Variants in SIPA1L1 observed in about 807,000 individuals in gnomAD.
SIPA1L1 encodes signal induced proliferation associated 1 like 1.
In SIPA1L1, 26 loss-of-function variants were observed where a neutral mutation model predicts 162.7. The ratio of observed to expected loss-of-function variants is 0.16; its 90% CI spans 0.12 to 0.22. SIPA1L1 has a LOEUF of 0.22. Among genes scored for constraint, SIPA1L1 ranks in the 10% least tolerant of loss-of-function variants. The probability of loss-of-function intolerance (pLI) is 1.00; values close to 1 mark genes in which losing one functional copy is unlikely to be tolerated. For synonymous variants in SIPA1L1, 829 were observed against 837.4 expected (o/e 0.99, Z 0.17); for missense variants, 1,874 against 2,241.0 (o/e 0.84, Z 3.31).
intron 4 of SIPA1L1, chr14:71,573,512 C>G (rs1255846516): frequency 8.8e-6 from 4 of 454,534 alleles, no homozygotes; most frequent in Non-Finnish European, 1.8e-5. Context: ...TTTGGGACCT[C>G]AAGAGAAAGA....
intron 2 of SIPA1L1, among the ~76,000 whole-genome samples, chr14:71,397,889 G>T (rs1034312580): frequency 2.0e-5 from 3 of 151,720 alleles, no homozygotes; most frequent in Admixed American, 2.0e-4. Flanking sequence ...CATCTTAGGT[G>T]GCAGAGTTTG....
rs1186656891 is a variant in SIPA1L1 at position 71,624,200 on chromosome 14, G to A, written c.1782G>A (p.Lys594=). The A allele has an allele frequency of 1.9e-6, 3 of 1,614,010 alleles. No homozygotes were observed. The highest frequency in any genetic ancestry group is 2.5e-6 in the Non-Finnish European group (3 of 1,179,882). Residue 594 remains lysine (K), a synonymous_variant, in exon 7 of 24, where the codon AAG becomes AAA. Transcript: ENST00000381232. ...TGCGGTTGGCCTTCAACACACCCAA[G>A]GTCACAGAGCAGCTCATGAAACTGG... The part of the protein sequence containing the change: ...QCLRLAFNTP[K]VTEQLMKLDE...
In SIPA1L1 at chr14:71,680,904, C is replaced by CA. The variant is rs111435750; in HGVS notation, c.3105-4455dup. Among the ~76,000 whole-genome samples the CA allele has an allele frequency of 1.2e-3, 186 of 152,308 alleles. 4 individuals carry two copies. Among genetic ancestry groups the CA allele is most frequent in the African/African-American group, 4.1e-3 (171 of 41,566 alleles). ...TCTTTGGAAATGCAGCATCTGGACA[C>CA]AAAGGCAGGAGTGCCTGTCCTCATC... On this transcript the variant is annotated intron_variant, in intron 12 of 23. Transcript: ENST00000381232.
intron 2 of SIPA1L1, among the ~76,000 whole-genome samples, chr14:71,398,990 A>T (rs1490023527): frequency 6.6e-6 from 1 of 152,244 alleles, no homozygotes; most frequent in African/African-American, 2.4e-5. Context: ...ATTGCACTTT[A>T]ATTAAAATCT....
intron 23 of SIPA1L1, among the ~76,000 whole-genome samples, 183 bp downstream of exon 23, chr14:71,738,508 C>T (rs986133588): frequency 5.3e-5 from 8 of 152,182 alleles, no homozygotes; most frequent in African/African-American, 1.7e-4. Flanking sequence ...GTTCGGTGTC[C>T]GGTGTACAGA....
At chr14:71,623,945 T>C (rs2039709602) in intron 6 of SIPA1L1, 103 bp from the exon 7 acceptor site, 2 of 910,778 alleles carry the variant, frequency 2.2e-6, no homozygotes, top group Non-Finnish European at 3.3e-6. Context: ...AATCATTCCC[T>C]AGCTCTGTGA....
chr14:71,710,294 GATAAA>G (rs1566711109), intron 17 of SIPA1L1, among the ~76,000 whole-genome samples: 2 of 152,202 alleles, frequency 1.3e-5, no homozygotes, highest in Admixed American at 6.5e-5. Context: ...CACACCTCTA[GATAAA>G]ATAAATACTA....
rs1016697148 is a variant in SIPA1L1, at chr14:71,480,483, C to G, written c.-464-32260C>G. Among the ~76,000 whole-genome samples, 66 of 151,136 alleles carry G rather than the reference C, an allele frequency of 4.4e-4. 1 individual carries two copies. The highest frequency in any genetic ancestry group is 4.2e-3 in the Admixed American group (64 of 15,186). ...AAAAAAAAAAAAAGAAGAAGTCAGC[C>G]GTGCACAGTGGCTCACGCCTGTAAT... On this transcript the variant is annotated intron_variant, in intron 2 of 23. Coordinates refer to ENST00000381232, the MANE Select transcript of SIPA1L1 (RefSeq NM_001386936.1).
intron 2 of SIPA1L1, among the ~76,000 whole-genome samples, chr14:71,403,804 G>T (rs969796511): frequency 2.6e-5 from 4 of 152,038 alleles, no homozygotes; most frequent in African/African-American, 7.2e-5. Flanking sequence ...TGTGCAGCTT[G>T]TCTGAGTTGA....
chr14:71,402,635 CA>C (rs1487504276), intron 2 of SIPA1L1, among the ~76,000 whole-genome samples: 1 of 152,158 alleles, frequency 6.6e-6, no homozygotes, highest in East Asian at 1.9e-4. Flanking sequence ...AGGCATGAGT[CA>C]CTGTTCCTGG....
intron 2 of SIPA1L1, among the ~76,000 whole-genome samples, chr14:71,473,062 T>C (rs1230596176): frequency 6.6e-6 from 1 of 151,976 alleles, no homozygotes; most frequent in Non-Finnish European, 1.5e-5. Context: ...GATAATTATA[T>C]TATAATAATG....
intron 4 of SIPA1L1, among the ~76,000 whole-genome samples, chr14:71,529,634 T>G (rs1386195700): frequency 1.3e-5 from 2 of 152,154 alleles, no homozygotes; most frequent in Non-Finnish European, 1.5e-5. Flanking sequence ...AACATTAGGG[T>G]TGGATCCATA....
intron 2 of SIPA1L1, among the ~76,000 whole-genome samples, chr14:71,327,682 C>T (rs1187523930): frequency 6.6e-6 from 1 of 152,170 alleles, no homozygotes; most frequent in Non-Finnish European, 1.5e-5. Context: ...CTGAACCATA[C>T]TGCTTGACTT....
chr14:71,495,913 AG>A (rs373006768), intron 2 of SIPA1L1, among the ~76,000 whole-genome samples: 200 of 99,064 alleles, frequency 2.0e-3, no homozygotes, highest in Non-Finnish European at 2.8e-3. Context: ...AAAAAAAAAA[AG>A]AAGAAGAAAG....
intron 4 of SIPA1L1, among the ~76,000 whole-genome samples, chr14:71,568,449 AGGT>A (rs1388832340): frequency 6.6e-6 from 1 of 152,176 alleles, no homozygotes; most frequent in Non-Finnish European, 1.5e-5. Flanking sequence ...TTCTGACAAA[AGGT>A]GGTATCCAGA....
chr14:71,487,719 A>G (rs568229602), intron 2 of SIPA1L1, among the ~76,000 whole-genome samples: 38 of 152,338 alleles, frequency 2.5e-4, no homozygotes, highest in Non-Finnish European at 5.0e-4. Flanking sequence ...GGTGAGGAAC[A>G]GCAGTTTTTC....
intron 10 of SIPA1L1, 144 bp downstream of exon 10, chr14:71,661,611 A>T (rs1290646339): frequency 3.6e-6 from 3 of 823,214 alleles, no homozygotes; most frequent in Non-Finnish European, 3.6e-6. Context: ...CGGATGGCTG[A>T]ATTCACATGA....
chr14:71,390,646 A>G (rs2040671590), intron 2 of SIPA1L1, among the ~76,000 whole-genome samples: 1 of 152,146 alleles, frequency 6.6e-6, no homozygotes, highest in South Asian at 2.1e-4. Flanking sequence ...TTAGCCGTGC[A>G]TGATGGCATG....
intron 5 of SIPA1L1, among the ~76,000 whole-genome samples, chr14:71,606,777 G>A (rs933752953): frequency 6.6e-6 from 1 of 152,076 alleles, no homozygotes; most frequent in African/African-American, 2.4e-5. Context: ...AATGATTATT[G>A]TACTGTATGT....
Sources: gnomAD v4.1 joint callset for allele counts (sites outside exome capture counted in the v4.1 genomes callset) on GRCh38, gnomAD v4.1.1 for gene constraint, MANE v1.5 for transcripts, NCBI Gene and HGNC (gene_info 2026-07-23, HGNC 2026-07-21) for gene names.